The following SEC16A variants were observed in gnomAD, a reference collection of about 807,000 sequenced individuals.
The protein encoded by SEC16A is protein transport protein Sec16A.
A neutral mutation model predicts 221.9 loss-of-function variants in SEC16A; 110 were observed. That is an observed-to-expected ratio of 0.50 (90% CI 0.42 to 0.58). The LOEUF is 0.58. Among genes scored for constraint, SEC16A ranks in the 20% least tolerant of loss-of-function variants. The pLI is 0.00. For missense variants in SEC16A, 3,165 were observed against 3,097.8 expected (o/e 1.02, Z -0.52); for synonymous variants, 1,393 against 1,257.7 (o/e 1.11, Z -2.28).
chr9:136,473,411 C>T (rs981478109), intron 3 of SEC16A, among the ~76,000 whole-genome samples: 2 of 152,242 alleles, frequency 1.3e-5, no homozygotes, highest in South Asian at 2.1e-4. Context: ...CAGGATTATG[C>T]GGAACCTAAC....
upstream of SEC16A, chr9:136,483,375 C>G (rs1842664775): frequency 2.1e-6 from 1 of 482,062 alleles, no homozygotes; most frequent in Non-Finnish European, 2.6e-6. Flanking sequence ...ATTCTTTCGT[C>G]CCGCCCCCTT....
At chr9:136,464,131 T>A (rs556957275) in intron 9 of SEC16A, among the ~76,000 whole-genome samples, 1 of 139,114 alleles carries the variant, frequency 7.2e-6, no homozygotes. Context: ...GCATCTATCA[T>A]TGAAAAGCAC....
chr9:136,454,421 T>C, intron 20 of SEC16A, 94 bp from the exon 21 acceptor site: 1 of 1,149,304 alleles, frequency 8.7e-7, no homozygotes, highest in South Asian at 1.3e-5. Context: ...TGACAAGTTA[T>C]TTTGTACAGC....
At position 136,474,977 on chromosome 9, in the gene SEC16A, C is replaced by G; in HGVS notation, c.2639G>C (p.Gly880Ala). The change falls in exon 3 of 32, where the codon GGG (glycine) becomes GCG (alanine). Residue 880 changes from glycine (G) to alanine (A), a missense_variant. Around this residue, in one of 3 missense-constraint regions of SEC16A, gnomAD observed 2,030 missense variants for 1,923.1 expected, o/e 1.06. Transcript: ENST00000684901. Reference sequence around the variant, plus strand: ...AATCCCAGACAAAGAAGTGTTCTCCCCAGAATCACCACCGAGAGCCCAACT... The same window carrying G: ...AATCCCAGACAAAGAAGTGTTCTCCGCAGAATCACCACCGAGAGCCCAACT... ...VSSWALGGDS[G>A]ENTSLSGIPT... 1 of 1,594,762 alleles carries G rather than the reference C, an allele frequency of 6.3e-7. No homozygotes were observed. Among genetic ancestry groups the G allele is most frequent in the South Asian group, 1.1e-5 (1 of 89,652 alleles).
rs185407770 is a variant in SEC16A, at chr9:136,455,052, T to A, written c.5857+549A>T. 2.6e-5 allele frequency among the ~76,000 whole-genome samples: 4 copies of A among 151,300 alleles called. No homozygotes were observed. The East Asian group carries it at 7.8e-4, about 30-fold the overall frequency. Reference sequence around the variant, plus strand: ...CAGGTGAGATGGAGAGTCTGGAGGGTCTGGGGAAGAAGCAGGAGGCGAGCA... The same window carrying A: ...CAGGTGAGATGGAGAGTCTGGAGGGACTGGGGAAGAAGCAGGAGGCGAGCA... On this transcript the variant is annotated intron_variant, in intron 20 of 31. Transcript: ENST00000684901.
intron 18 of SEC16A, 120 bp from the exon 19 acceptor site, chr9:136,456,286 CTA>C: frequency 1.5e-6 from 1 of 683,182 alleles, no homozygotes; most frequent in South Asian, 1.7e-5. Context: ...AATTAGCTGC[CTA>C]TATGTTTCTA....
rs1043808383 is a variant in SEC16A, at chr9:136,476,129, G to C, written c.1487C>G (p.Ala496Gly). 4 of 1,613,782 alleles carry C rather than the reference G, an allele frequency of 2.5e-6. No individual in the cohort carries two copies. The highest frequency in any genetic ancestry group is 1.7e-4 in the Middle Eastern group (1 of 6,052). ...GCACACAGCACCATGCCTGGGCACA[G>C]CTGGCCCAGGAAGGGGCCCATATCT... ...QFRYGPLPGP[A>G]VPRHGAVCHT... The change falls in exon 3 of 32, where the codon GCT becomes GGT. Residue 496 changes from alanine (A) to glycine (G), a missense_variant. Coordinates refer to ENST00000684901, the MANE Select transcript of SEC16A (RefSeq NM_014866.2).
intron 3 of SEC16A, among the ~76,000 whole-genome samples, chr9:136,472,532 C>A (rs1026972132): frequency 6.6e-6 from 1 of 152,218 alleles, no homozygotes; most frequent in Non-Finnish European, 1.5e-5. Flanking sequence ...ACAACCCCTG[C>A]GTCCCGCTTC....
Position 136,448,647 on chromosome 9 carries a change from CCA to C in SEC16A, c.6313-488_6313-487del, listed in dbSNP as rs1243401751. 302 of 704,186 alleles carry C rather than the reference CCA, an allele frequency of 4.3e-4. 2 individuals are homozygous for C. The highest frequency in any genetic ancestry group is 3.5e-3 in the African/African-American group (183 of 52,184). The allele number at this position is 704,186 out of a possible 1,614,324, so 43.6% of individuals were successfully genotyped here. ...AGGAGGATGGAGGTGGGGAGCAGAT[CCA>C]CAGAGACACCAGGAGGATGGAGGTG... is the stretch of plus-strand genomic sequence containing the variant. On this transcript the variant is annotated intron_variant, in intron 23 of 31. Coordinates refer to ENST00000684901, the MANE Select transcript of SEC16A (RefSeq NM_014866.2).
chr9:136,462,828 C>T, intron 12 of SEC16A, 59 bp downstream of exon 12: 1 of 1,570,388 alleles, frequency 6.4e-7, no homozygotes, highest in Non-Finnish European at 8.6e-7. Flanking sequence ...TGCAACCCCG[C>T]ACCAGGCCCG....
At chr9:136,470,660 C>T (rs774912051) in intron 4 of SEC16A, among the ~76,000 whole-genome samples, 80 of 152,310 alleles carry the variant, frequency 5.3e-4, no homozygotes, top group Admixed American at 2.4e-3. Flanking sequence ...AGCTGCACAC[C>T]GCCCAGTGCA....
rs528110677 is a variant in SEC16A at position 136,460,461 on chromosome 9, AT to A, written c.4992-339del. Among the ~76,000 whole-genome samples the A allele has an allele frequency of 1.3e-4, 20 of 152,184 alleles. No individual in the cohort carries two copies. In the South Asian group the frequency reaches 3.7e-3, roughly 28 times the overall value. Reference sequence around the variant, plus strand: ...CAGAGCAAGACTCTGTCTCAAAAAAATAAATAAATAAAATAGTAATAAAATA... The same window carrying A: ...CAGAGCAAGACTCTGTCTCAAAAAAAAAATAAATAAAATAGTAATAAAATA... On this transcript the variant is annotated intron_variant, in intron 13 of 31. Coordinates refer to ENST00000684901, the MANE Select transcript of SEC16A (RefSeq NM_014866.2).
At position 136,482,999 on chromosome 9, in the gene SEC16A, G is replaced by C. The variant is rs1842607564; in HGVS notation, c.-253C>G. ...CGAAAGCCCACCCGACGCTGGCGAC[G>C]AGCACAGACACCTCAGCCGCCGCAG... is the stretch of plus-strand genomic sequence containing the variant. On this transcript the variant is annotated 5_prime_UTR_variant, in exon 1 of 32. Transcript: ENST00000684901. 2.0e-6 allele frequency: 2 copies of C among 985,094 alleles called. No individual in the cohort carries two copies. The highest frequency in any genetic ancestry group is 2.4e-6 in the Non-Finnish European group (2 of 829,878). The allele number at this position is 985,094 out of a possible 1,614,324, so 61.0% of individuals were successfully genotyped here.
In SEC16A at chr9:136,441,443, C is replaced by T; in HGVS notation, c.*312G>A. The T allele has an allele frequency of 2.7e-6, 1 of 369,610 alleles. No homozygotes were observed. The highest frequency in any genetic ancestry group is 5.3e-5 in the East Asian group (1 of 18,822). 22.9% of individuals were successfully genotyped at this position (369,610 alleles called of 1,614,324 possible). On this transcript the variant is annotated 3_prime_UTR_variant, in exon 32 of 32. Coordinates refer to ENST00000684901, the MANE Select transcript of SEC16A (RefSeq NM_014866.2). The stretch of plus-strand genomic sequence containing the variant: ...GACAGCTCCGGCTTCAATGAATGAA[C>T]ATTCTTAAATGACCAGGAATACTAT...
intron 3 of SEC16A, among the ~76,000 whole-genome samples, chr9:136,473,015 T>A (rs1347919920): frequency 2.0e-5 from 3 of 152,188 alleles, no homozygotes; most frequent in African/African-American, 4.8e-5. Context: ...TGTATGGAAA[T>A]AAAAAGTGCC....
Position 136,475,999 on chromosome 9 carries a change from G to A in SEC16A, c.1617C>T (p.Pro539=), listed in dbSNP as rs1358253479. The A allele has an allele frequency of 6.2e-7, 1 of 1,613,460 alleles. No individual in the cohort carries two copies. Among genetic ancestry groups the A allele is most frequent in the South Asian group, 1.1e-5 (1 of 91,080 alleles). ...SHGRLSGSAR[P]QELVGTFIQQ... ...GAATGAATGTGCCAACCAGCTCCTG[G>A]GGCCTGGCTGAGCCTGAGAGCCTTC... The change falls in exon 3 of 32, where the codon CCC becomes CCT. Residue 539 remains proline (P), a synonymous_variant. Transcript: ENST00000684901. The surrounding 1 kb of genome is among the most constrained non-coding windows in gnomAD (Gnocchi z 5.0).
chr9:136,467,714 T>G (rs372845555), intron 5 of SEC16A, among the ~76,000 whole-genome samples: 7 of 152,234 alleles, frequency 4.6e-5, no homozygotes, highest in African/African-American at 1.7e-4. Flanking sequence ...TAAAAGGTCT[T>G]TTATCATCTT....
Position 136,446,869 on chromosome 9 carries a change from C to T in SEC16A, c.6778G>A (p.Ala2260Thr). 1 of 1,606,982 alleles carries T rather than the reference C, an allele frequency of 6.2e-7. No homozygotes were observed. Among genetic ancestry groups the T allele is most frequent in the East Asian group, 2.2e-5 (1 of 44,846 alleles). Residue 2260 changes from alanine (A) to threonine (T), a missense_variant, in exon 28 of 32, where the codon GCC (alanine) becomes ACC (threonine). Ala to Thr is a moderately conservative substitution (Grantham distance 58). Coordinates refer to ENST00000684901, the MANE Select transcript of SEC16A (RefSeq NM_014866.2). ...TACCCGCTCACCTTGGGCTCTGGGG[C>T]AGGCTCTGGATTGGCCAGGCCCCTA... is the stretch of plus-strand genomic sequence containing the variant. ...AARGLANPEP[A>T]PEPKVLSSAA... is the part of the protein sequence containing the mutation.
In SEC16A at chr9:136,475,171, T is replaced by C. The variant is rs1224757770; in HGVS notation, c.2445A>G (p.Leu815=). The C allele has an allele frequency of 6.2e-7, 1 of 1,613,834 alleles. No homozygotes were observed. The highest frequency in any genetic ancestry group is 8.5e-7 in the Non-Finnish European group (1 of 1,179,850). The part of the protein sequence containing the change: ...SQASSGYASL[L]SSPPTESLQN... ...GCAGAGACTCAGTGGGCGGTGAGGA[T>C]AATAAACTTGCATAACCAGAACTCG... The change falls in exon 3 of 32, where the codon TTA becomes TTG. Residue 815 remains leucine, a synonymous_variant. Coordinates refer to ENST00000684901, the MANE Select transcript of SEC16A (RefSeq NM_014866.2). This position sits in a 1 kb window ranked among gnomAD's most constrained non-coding sequence, Gnocchi z 5.0.
Sources: gnomAD v4.1 joint callset for allele counts (sites outside exome capture counted in the v4.1 genomes callset) on GRCh38, gnomAD v4.1.1 for gene constraint, gnomAD v4.1.1 regional missense constraint, Gnocchi (gnomAD v3.1) non-coding constraint, MANE v1.5 for transcripts, NCBI Gene and HGNC (gene_info 2026-07-23, HGNC 2026-07-21) for gene names.